Variants in RYR3 observed in about 807,000 individuals in gnomAD.
RYR3 encodes brain ryanodine receptor-calcium release channel.
Under a neutral mutation model 584.3 loss-of-function variants are expected in RYR3, and 207 were observed. The observed-to-expected ratio is 0.35, with a 90% CI of 0.32 to 0.40. RYR3 has a LOEUF of 0.40. Among genes scored for constraint, RYR3 ranks in the 10% least tolerant of loss-of-function variants. The pLI is 1.00. For missense variants in RYR3, 5,616 were observed against 6,089.2 expected, an observed-to-expected ratio of 0.92 and a Z score of 2.59; for synonymous variants, 2,416 against 2,248.5, an observed-to-expected ratio of 1.07 and a Z score of -2.11.
intron 1 of RYR3, among the ~76,000 whole-genome samples, chr15:33,360,497 T>C (rs575399896): frequency 6.6e-6 from 1 of 152,374 alleles, no homozygotes; most frequent in Admixed American, 6.5e-5. Flanking sequence ...TGTATGGATA[T>C]ATCACAGTTT....
chr15:33,705,602 C>G (rs1426675743), intron 42 of RYR3, among the ~76,000 whole-genome samples: 1 of 152,212 alleles, frequency 6.6e-6, no homozygotes, highest in Non-Finnish European at 1.5e-5. Context: ...AAAAGTAGAA[C>G]AGAATCTAAA....
intron 56 of RYR3, 36 bp from the exon 57 acceptor site, chr15:33,750,127 A>G (rs1480079941): frequency 6.2e-7 from 1 of 1,608,176 alleles, no homozygotes; most frequent in East Asian, 2.2e-5. Flanking sequence ...GTGCAAAGGA[A>G]GAGCCAAATG....
At chr15:33,347,133 A>G (rs1481237235) in intron 1 of RYR3, among the ~76,000 whole-genome samples, 2 of 152,152 alleles carry the variant, frequency 1.3e-5, no homozygotes, top group Non-Finnish European at 2.9e-5. Context: ...CCTGGCTGAC[A>G]TAGTACTTGT....
At chr15:33,668,162 A>C (rs2063596005) in intron 36 of RYR3, among the ~76,000 whole-genome samples, 1 of 151,436 alleles carries the variant, frequency 6.6e-6, no homozygotes, top group Admixed American at 6.6e-5. Context: ...AAAAAAAAAA[A>C]AGAAATCAGC....
At chr15:33,668,299 A>G (rs1304865536) in intron 36 of RYR3, among the ~76,000 whole-genome samples, 1 of 152,172 alleles carries the variant, frequency 6.6e-6, no homozygotes, top group Non-Finnish European at 1.5e-5. Flanking sequence ...CCTGGGCAAC[A>G]GAGCGAGACT....
In RYR3 at chr15:33,706,938, G is replaced by A. The variant is rs993046470; in HGVS notation, c.6503G>A (p.Gly2168Asp). 1.9e-6 allele frequency: 3 copies of A among 1,609,100 alleles called. No homozygotes were observed. The East Asian group carries it at 6.7e-5, about 36-fold the overall frequency. ...DLEKVVTYLA[G>D]CGLQSCPMLL... Reference sequence around the variant, plus strand: ...TGGCAGGTGGTGACCTACTTGGCAGGCTGTGGCCTACAGAGCTGCCCCATG... The same window carrying A: ...TGGCAGGTGGTGACCTACTTGGCAGACTGTGGCCTACAGAGCTGCCCCATG... Residue 2168 changes from glycine (G) to aspartate (D), a missense_variant, in exon 43 of 104, where the codon GGC (glycine) becomes GAC (aspartate). Physicochemically the swap from Gly to Asp is moderately conservative, Grantham distance 94. Coordinates refer to ENST00000634891, the MANE Select transcript of RYR3 (RefSeq NM_001036.6).
chr15:33,349,229 C>T (rs758171412), intron 1 of RYR3, among the ~76,000 whole-genome samples: 49 of 151,088 alleles, frequency 3.2e-4, no homozygotes, highest in Non-Finnish European at 6.0e-4. Flanking sequence ...ATGACTAAAG[C>T]TACTAGTAAT....
chr15:33,717,943 A>G (rs1187052900), intron 43 of RYR3, among the ~76,000 whole-genome samples: 1 of 152,174 alleles, frequency 6.6e-6, no homozygotes, highest in Non-Finnish European at 1.5e-5. Flanking sequence ...TCTCCAGTCC[A>G]TCCCTTCCCA....
At chr15:33,377,447 G>A (rs542569442) in intron 1 of RYR3, among the ~76,000 whole-genome samples, 4 of 152,254 alleles carry the variant, frequency 2.6e-5, no homozygotes, top group East Asian at 1.9e-4. Flanking sequence ...ATATCTAACC[G>A]TCCAGTACTC....
intron 96 of RYR3, among the ~76,000 whole-genome samples, chr15:33,854,085 G>T (rs776810957): frequency 6.6e-6 from 1 of 151,826 alleles, no homozygotes; most frequent in Non-Finnish European, 1.5e-5. Flanking sequence ...AGTCCCAGCT[G>T]CTTGGGAGGC....
intron 47 of RYR3, among the ~76,000 whole-genome samples, chr15:33,731,256 T>C (rs2068920177): frequency 7.6e-6 from 1 of 130,978 alleles, no homozygotes; most frequent in Non-Finnish European, 1.7e-5. Context: ...TTTTTTTGTG[T>C]GTTTTTTTTT....
At chr15:33,355,388 T>C (rs1225912671) in intron 1 of RYR3, among the ~76,000 whole-genome samples, 1 of 152,174 alleles carries the variant, frequency 6.6e-6, no homozygotes, top group Non-Finnish European at 1.5e-5. Flanking sequence ...TTTAGCATCA[T>C]ATGGTACCTA....
Position 33,662,554 on chromosome 15 carries a change from C to T in RYR3, c.5024C>T (p.Thr1675Ile), listed in dbSNP as rs763681001. 1 of 1,614,036 alleles carries T rather than the reference C, an allele frequency of 6.2e-7. No individual in the cohort carries two copies. Among genetic ancestry groups the T allele is most frequent in the Non-Finnish European group, 8.5e-7 (1 of 1,179,904 alleles). The change falls in exon 35 of 104, where the codon ACT (threonine) becomes ATT (isoleucine). Residue 1675 changes from threonine (T) to isoleucine (I), a missense_variant. Physicochemically the swap from Thr to Ile is moderately conservative, Grantham distance 89 (BLOSUM62 -1). This residue lies in a region of RYR3 where 753 missense variants were observed against 741.0 expected (regional missense o/e 1.02). Transcript: ENST00000634891. ...TTCTCCACCCCTTGCTTTGTTGTGACTGGTGAGGATCACCAAAAGCAGAGC... is the reference window on the plus strand; with the variant it reads ...TTCTCCACCCCTTGCTTTGTTGTGATTGGTGAGGATCACCAAAAGCAGAGC... ...FRFSTPCFVV[T>I]GEDHQKQSPE... is the part of the protein sequence containing the mutation.
chr15:33,632,876 T>C, intron 23 of RYR3, 73 bp from the exon 24 acceptor site: 1 of 1,345,068 alleles, frequency 7.4e-7, no homozygotes, highest in Non-Finnish European at 1.0e-6. Flanking sequence ...TACCATGTGC[T>C]CTTGGTCTAA....
chr15:33,518,717 A>G (rs541371307), intron 3 of RYR3, among the ~76,000 whole-genome samples: 2 of 152,200 alleles, frequency 1.3e-5, no homozygotes, highest in East Asian at 3.9e-4. Context: ...TTTAACTTTT[A>G]TTTTTCCAGT....
intron 16 of RYR3, among the ~76,000 whole-genome samples, chr15:33,596,972 C>T (rs1209268540): frequency 6.6e-6 from 1 of 151,962 alleles, no homozygotes; most frequent in African/African-American, 2.4e-5. Context: ...TTGAAATAGA[C>T]AATAACAGTT....
chr15:33,603,600 C>T (rs1391206180), intron 18 of RYR3, among the ~76,000 whole-genome samples: 4 of 152,170 alleles, frequency 2.6e-5, no homozygotes, highest in Non-Finnish European at 5.9e-5. Flanking sequence ...CTCATTGTAT[C>T]TGTATGAGCC....
chr15:33,723,844 A>G (rs990861680), intron 44 of RYR3, among the ~76,000 whole-genome samples: 11 of 152,218 alleles, frequency 7.2e-5, no homozygotes, highest in Non-Finnish European at 1.5e-4. Flanking sequence ...TCATGCCTTA[A>G]GATTCATGGA....
chr15:33,488,603 C>T lies in RYR3; in HGVS notation c.172-15028C>T, dbSNP rs146199699. Among the ~76,000 whole-genome samples, 411 of 152,220 alleles carry T rather than the reference C, an allele frequency of 2.7e-3. 2 individuals are homozygous for T. Among genetic ancestry groups the T allele is most frequent in the African/African-American group, 8.5e-3 (355 of 41,528 alleles). On this transcript the variant is annotated intron_variant, in intron 2 of 103. Transcript: ENST00000634891. ...GCATGGTGGCTGATGCCTGTAATCCCAGCACTTGGGAGGACAAGGCGGGCA... is the reference window on the plus strand; with the variant it reads ...GCATGGTGGCTGATGCCTGTAATCCTAGCACTTGGGAGGACAAGGCGGGCA...
Sources: gnomAD v4.1 joint callset for allele counts (sites outside exome capture counted in the v4.1 genomes callset) on GRCh38, gnomAD v4.1.1 for gene constraint, gnomAD v4.1.1 regional missense constraint, MANE v1.5 for transcripts, NCBI Gene and HGNC (gene_info 2026-07-23, HGNC 2026-07-21) for gene names.